MYRFL: variants seen among roughly 807,000 people sequenced by gnomAD.
The protein encoded by MYRFL is myelin regulatory factor-like protein.
Under a neutral mutation model 109.4 loss-of-function variants are expected in MYRFL, and 88 were observed. The ratio of observed to expected loss-of-function variants is 0.80; its 90% CI spans 0.68 to 0.96. The LOEUF is 0.96. Among genes scored for constraint, MYRFL ranks in the 40% least tolerant of loss-of-function variants. MYRFL has a pLI of 0.00. For synonymous variants in MYRFL, 324 were observed against 320.9 expected, an observed-to-expected ratio of 1.01 and a Z score of -0.10; for missense variants, 957 against 954.9, an observed-to-expected ratio of 1.00 and a Z score of -0.03.
intron 2 of MYRFL, among the ~76,000 whole-genome samples, chr12:69,859,580 T>A (rs1437525997): frequency 6.6e-6 from 1 of 152,230 alleles, no homozygotes; most frequent in Non-Finnish European, 1.5e-5. Flanking sequence ...TCTGGTGAAC[T>A]TAGTCTTTTA....
At chr12:69,928,177 G>A (rs1955157443) in intron 15 of MYRFL, among the ~76,000 whole-genome samples, 1 of 152,208 alleles carries the variant, frequency 6.6e-6, no homozygotes, top group African/African-American at 2.4e-5. Flanking sequence ...GCAAATGGAA[G>A]AATAGGTATT....
intron 8 of MYRFL, 63 bp from the exon 9 acceptor site, chr12:69,895,308 A>C: frequency 8.3e-7 from 1 of 1,198,080 alleles, no homozygotes; most frequent in Non-Finnish European, 1.2e-6. Context: ...TGGATTAGAT[A>C]TGATCAGAGA....
In MYRFL at chr12:69,958,804, C is replaced by A; in HGVS notation, c.*273C>A. The A allele has an allele frequency of 3.1e-6, 1 of 322,788 alleles. No individual in the cohort carries two copies. The highest frequency in any genetic ancestry group is 5.6e-6 in the Non-Finnish European group (1 of 178,584). The allele number at this position is 322,788 out of a possible 1,614,324, so 20.0% of individuals were successfully genotyped here. On this transcript the variant is annotated 3_prime_UTR_variant, in exon 25 of 25. Coordinates refer to ENST00000552032, the MANE Select transcript of MYRFL (RefSeq NM_182530.3). ...AACAGTTCTGTTGAATTTAAAAATA[C>A]TATTATTTCTGGTATTAAGGAAGTT...
chr12:69,919,299 C>T (rs771688115), intron 13 of MYRFL, among the ~76,000 whole-genome samples: 1 of 152,308 alleles, frequency 6.6e-6, no homozygotes, highest in East Asian at 1.9e-4. Context: ...CAACTGGAAA[C>T]TTGTCTCCGT....
chr12:69,858,042 C>T (rs1271363188), intron 2 of MYRFL, among the ~76,000 whole-genome samples: 2 of 151,650 alleles, frequency 1.3e-5, no homozygotes, highest in Non-Finnish European at 3.0e-5. Context: ...TTCTCTTCCA[C>T]TGTTAGTTTG....
At chr12:69,899,980 C>T (rs1954127962) in intron 10 of MYRFL, among the ~76,000 whole-genome samples, 1 of 152,126 alleles carries the variant, frequency 6.6e-6, no homozygotes, top group Admixed American at 6.6e-5. Flanking sequence ...TATCTCAGCC[C>T]CACTTTCCTT....
Position 69,864,965 on chromosome 12 carries a change from C to G in MYRFL, c.137+9595C>G, listed in dbSNP as rs942608860. Among the ~76,000 whole-genome samples the G allele has an allele frequency of 2.0e-5, 3 of 152,180 alleles. No homozygotes were observed. The South Asian group carries it at 6.2e-4, about 32-fold the overall frequency. On this transcript the variant is annotated intron_variant, in intron 2 of 24. Coordinates refer to ENST00000552032, the MANE Select transcript of MYRFL (RefSeq NM_182530.3). ...TTCCACCTGGGTTCTGTATAATCAT[C>G]TAGACTACTTTTTATAACTAACAGA...
At chr12:69,921,898 A>G (rs1190811326) in intron 13 of MYRFL, among the ~76,000 whole-genome samples, 2 of 151,544 alleles carry the variant, frequency 1.3e-5, no homozygotes, top group Admixed American at 1.3e-4. Context: ...TGCAGAAAGA[A>G]CTTTCTGCGG....
intron 21 of MYRFL, 129 bp downstream of exon 21, chr12:69,953,015 A>AAAAC (rs1956018253): frequency 6.6e-6 from 4 of 608,232 alleles, no homozygotes; most frequent in Non-Finnish European, 1.1e-5. Context: ...TCCTTAAGTG[A>AAAAC]AAACATCTTT....
intron 6 of MYRFL, among the ~76,000 whole-genome samples, chr12:69,887,277 C>A (rs1311957128): frequency 6.6e-6 from 1 of 152,170 alleles, no homozygotes; most frequent in Non-Finnish European, 1.5e-5. Context: ...TATAAACATT[C>A]CCCAAATCAC....
chr12:69,910,762 G>T (rs1954542451), intron 12 of MYRFL, 59 bp from the exon 13 acceptor site: 2 of 1,287,996 alleles, frequency 1.6e-6, no homozygotes, highest in African/African-American at 1.5e-5. Flanking sequence ...GCTTAGAGAG[G>T]ATTTTCTCCA....
intron 2 of MYRFL, among the ~76,000 whole-genome samples, chr12:69,860,571 G>GT (rs1365276180): frequency 1.3e-5 from 2 of 151,816 alleles, no homozygotes; most frequent in African/African-American, 2.4e-5. Context: ...TTATTGATAT[G>GT]TTTGGATTTG....
intron 15 of MYRFL, among the ~76,000 whole-genome samples, chr12:69,930,424 T>G (rs1404452088): frequency 2.6e-5 from 4 of 152,164 alleles, no homozygotes; most frequent in Non-Finnish European, 4.4e-5. Context: ...AAGAGGTAGG[T>G]GGGTCATTCT....
intron 2 of MYRFL, among the ~76,000 whole-genome samples, chr12:69,867,089 C>T (rs1042501859): frequency 3.9e-5 from 6 of 152,172 alleles, no homozygotes; most frequent in African/African-American, 1.4e-4. Context: ...TGTAAATTGC[C>T]CTTAACTCTT....
intron 2 of MYRFL, among the ~76,000 whole-genome samples, chr12:69,855,816 T>C (rs555369418): frequency 5.3e-5 from 8 of 152,066 alleles, no homozygotes; most frequent in Non-Finnish European, 1.2e-4. Flanking sequence ...TGACATGAAG[T>C]TTATCAGTTT....
intron 1 of MYRFL, among the ~76,000 whole-genome samples, chr12:69,844,836 T>G (rs1883434977): frequency 6.6e-6 from 1 of 152,180 alleles, no homozygotes; most frequent in East Asian, 1.9e-4. Context: ...CCTGGGTAAC[T>G]GCAGAAGTAT....
chr12:69,937,741 C>A (rs789561), intron 19 of MYRFL, among the ~76,000 whole-genome samples: 121,026 of 152,146 alleles, frequency 0.8, 48,268 homozygotes, highest in Middle Eastern at 0.89. Flanking sequence ...AAGTGGTGCT[C>A]ATGACCTACA....
chr12:69,888,218 A>G (rs1886575633), intron 6 of MYRFL, among the ~76,000 whole-genome samples: 1 of 152,222 alleles, frequency 6.6e-6, no homozygotes, highest in Non-Finnish European at 1.5e-5. Context: ...GTATCAACTC[A>G]AAAGTAATGA....
intron 2 of MYRFL, among the ~76,000 whole-genome samples, chr12:69,860,142 C>T (rs563046051): frequency 2.0e-5 from 3 of 152,132 alleles, no homozygotes; most frequent in African/African-American, 7.2e-5. Flanking sequence ...ATGTTGTTCC[C>T]CCTTGTGTTC....
Sources: allele counts gnomAD v4.1 joint callset (sites outside exome capture counted in the v4.1 genomes callset), GRCh38; gene constraint gnomAD v4.1.1; transcripts MANE v1.5; gene names NCBI Gene and HGNC (gene_info 2026-07-23, HGNC 2026-07-21).